Variants in FRZB observed in about 807,000 individuals in gnomAD.
The protein encoded by FRZB is secreted frizzled-related protein 3.
A neutral mutation model predicts 32.5 loss-of-function variants in FRZB; 34 were observed. The ratio of observed to expected loss-of-function variants is 1.05; its 90% confidence interval spans 0.80 to 1.39. The LOEUF (loss-of-function observed/expected upper bound fraction) is 1.39. Ranked by LOEUF, FRZB falls within the 40% of genes most tolerant of loss-of-function variation. The probability of loss-of-function intolerance (pLI) is 0.00; values close to 1 mark genes in which losing one functional copy is unlikely to be tolerated. For missense variants in FRZB, 423 were observed against 424.8 expected, an observed-to-expected ratio of 1.00 and a Z score of 0.04; for synonymous variants, 170 against 159.2, an observed-to-expected ratio of 1.07 and a Z score of -0.51.
chr2:182,857,600 G>C (rs1257068886), intron 2 of FRZB, among the ~76,000 whole-genome samples: 2 of 146,190 alleles, frequency 1.4e-5, no homozygotes, highest in African/African-American at 2.5e-5. Flanking sequence ...CTGGGCAACA[G>C]AGCAAGACTC....
intron 2 of FRZB, among the ~76,000 whole-genome samples, chr2:182,852,214 G>C (rs1343604727): frequency 6.6e-6 from 1 of 152,098 alleles, no homozygotes; most frequent in Non-Finnish European, 1.5e-5. Flanking sequence ...GAGGGAATGG[G>C]TCTATACTAC....
At chr2:182,836,548 C>G (rs534356738) in intron 5 of FRZB, among the ~76,000 whole-genome samples, 296 of 152,120 alleles carry the variant, frequency 1.9e-3, no homozygotes, top group African/African-American at 6.2e-3. Context: ...CAATGGGAAA[C>G]AGGACAAACA....
intron 5 of FRZB, 65 bp downstream of exon 5, chr2:182,837,882 GA>G: frequency 3.2e-6 from 4 of 1,237,926 alleles, no homozygotes; most frequent in South Asian, 2.5e-5. Flanking sequence ...TTCAATGACA[GA>G]TGGCTGGTTT....
At chr2:182,845,934 A>G (rs1003117853) in intron 2 of FRZB, among the ~76,000 whole-genome samples, 1 of 152,194 alleles carries the variant, frequency 6.6e-6, no homozygotes, top group Non-Finnish European at 1.5e-5. Flanking sequence ...TGCAAAGTTA[A>G]CATGCCCAGT....
At position 182,866,211 on chromosome 2, in the gene FRZB, C is replaced by G. The variant is rs374036121; in HGVS notation, c.342G>C (p.Arg114=). Residue 114 remains arginine, a synonymous_variant, in exon 1 of 6, where the codon CGG becomes CGC. Transcript: ENST00000295113. The surrounding 1 kb of genome is among the most constrained non-coding windows in gnomAD (Gnocchi z 4.5). ...PIKPCKSVCE[R]ARQGCEPILI... The stretch of plus-strand genomic sequence containing the variant: ...GTATGGGCTCACAGCCCTGCCGGGC[C>G]CGCTCGCACACAGACTTACAGGGCT... The G allele has an allele frequency of 1.1e-5, 18 of 1,614,058 alleles. No homozygotes were observed. In the African/African-American group the frequency reaches 1.7e-4, roughly 16 times the overall value.
chr2:182,846,638 C>G (rs1695643746), intron 2 of FRZB, among the ~76,000 whole-genome samples: 1 of 152,162 alleles, frequency 6.6e-6, no homozygotes, highest in Non-Finnish European at 1.5e-5. Flanking sequence ...CATTTGACCC[C>G]TGAATCCCAA....
Position 182,866,054 on chromosome 2 carries a change from G to T in FRZB, c.478+21C>A, listed in dbSNP as rs1695886475. The stretch of plus-strand genomic sequence containing the variant: ...GAGGAGGCTGTAGGGTAAGGGAAGG[G>T]TGGGCCGTGTCAAAACTCACCAGCT... On this transcript the variant is annotated intron_variant, in intron 1 of 5. Transcript: ENST00000295113. This position sits in a 1 kb window ranked among gnomAD's most constrained non-coding sequence, Gnocchi z 4.5. 2 of 1,574,238 alleles carry T rather than the reference G, an allele frequency of 1.3e-6. No homozygotes were observed. The highest frequency in any genetic ancestry group is 1.7e-6 in the Non-Finnish European group (2 of 1,150,120).
chr2:182,843,701 GA>G (rs200431664), intron 2 of FRZB, among the ~76,000 whole-genome samples: 12 of 151,982 alleles, frequency 7.9e-5, no homozygotes, highest in East Asian at 5.8e-4. Context: ...CATGGTGGGG[GA>G]AAAAAAATTG....
rs769358147 is a variant in FRZB, at chr2:182,858,853, A to C, written c.479-20T>G. 3.1e-6 allele frequency: 5 copies of C among 1,592,474 alleles called. No individual in the cohort carries two copies. The African/African-American group carries it at 6.7e-5, about 21-fold the overall frequency. ...GAAAATCTGAAAGGAGGTGACAGAA[A>C]AAAGAACTATAACATATCTATTTCA... On this transcript the variant is annotated intron_variant, in intron 1 of 5. Coordinates refer to ENST00000295113, the MANE Select transcript of FRZB (RefSeq NM_001463.4).
In FRZB at chr2:182,838,012, C is replaced by T; in HGVS notation, c.798-1G>A. The T allele has an allele frequency of 6.2e-7, 1 of 1,609,560 alleles. No individual in the cohort carries two copies. Among genetic ancestry groups the T allele is most frequent in the South Asian group, 1.1e-5 (1 of 90,692 alleles). On this transcript the variant is annotated splice_acceptor_variant, in intron 4 of 5. Transcript: ENST00000295113. LOFTEE classifies it high-confidence loss of function. Reference sequence around the variant, plus strand: ...TATAGAGCCTTCCACCAAGAGTAATCTGTATTTTTGAAAGAAGCAAACATT... The same window carrying T: ...TATAGAGCCTTCCACCAAGAGTAATTTGTATTTTTGAAAGAAGCAAACATT...
intron 1 of FRZB, among the ~76,000 whole-genome samples, chr2:182,864,046 A>G (rs1242307358): frequency 6.6e-6 from 1 of 152,126 alleles, no homozygotes; most frequent in African/African-American, 2.4e-5. Flanking sequence ...TAAAGCAAAT[A>G]CTCTGGCATT....
intron 3 of FRZB, among the ~76,000 whole-genome samples, chr2:182,841,059 C>T (rs1382342344): frequency 6.6e-6 from 1 of 152,044 alleles, no homozygotes; most frequent in Non-Finnish European, 1.5e-5. Context: ...TCCCTTTTCC[C>T]TAGGCTTCTT....
At chr2:182,843,652 C>T (rs922717538) in intron 2 of FRZB, among the ~76,000 whole-genome samples, 8 of 152,120 alleles carry the variant, frequency 5.3e-5, no homozygotes, top group African/African-American at 1.9e-4. Context: ...GGCACAAGCG[C>T]TCACGCCTGT....
intron 2 of FRZB, among the ~76,000 whole-genome samples, chr2:182,851,603 C>G (rs1318623137): frequency 1.3e-5 from 2 of 151,964 alleles, no homozygotes; most frequent in Non-Finnish European, 2.9e-5. Flanking sequence ...TTGCAGTGAG[C>G]TGAGATCGTG....
intron 1 of FRZB, among the ~76,000 whole-genome samples, chr2:182,865,623 C>T (rs1695881643): frequency 6.6e-6 from 1 of 152,172 alleles, no homozygotes; most frequent in East Asian, 1.9e-4. Flanking sequence ...ACAATCTTAA[C>T]AAGCATCTAA....
Position 182,866,206 on chromosome 2 carries a change from C to A in FRZB, c.347G>T (p.Arg116Leu). The stretch of plus-strand genomic sequence containing the variant: ...GATGAGTATGGGCTCACAGCCCTGC[C>A]GGGCCCGCTCGCACACAGACTTACA... ...KPCKSVCERA[R>L]QGCEPILIKY... Residue 116 changes from arginine (R) to leucine (L), a missense_variant, in exon 1 of 6, where the codon CGG becomes CTG. By Grantham distance (102) the Arg-to-Leu change is moderately radical. Coordinates refer to ENST00000295113, the MANE Select transcript of FRZB (RefSeq NM_001463.4). The surrounding 1 kb of genome is among the most constrained non-coding windows in gnomAD (Gnocchi z 4.5). 1 of 1,614,160 alleles carries A rather than the reference C, an allele frequency of 6.2e-7. No individual in the cohort carries two copies. The highest frequency in any genetic ancestry group is 1.3e-5 in the African/African-American group (1 of 75,042).
At chr2:182,838,357 T>G in intron 4 of FRZB, 52 bp downstream of exon 4, 3 of 1,436,036 alleles carry the variant, frequency 2.1e-6, no homozygotes, top group Non-Finnish European at 2.9e-6. Flanking sequence ...ACAAATTTAA[T>G]GAGAGTAGGA....
intron 3 of FRZB, among the ~76,000 whole-genome samples, chr2:182,839,918 G>A (rs1442807313): frequency 1.3e-5 from 2 of 151,978 alleles, no homozygotes; most frequent in Non-Finnish European, 2.9e-5. Context: ...GACTATAAAG[G>A]ATTAGAAGAA....
intron 2 of FRZB, among the ~76,000 whole-genome samples, chr2:182,852,225 C>G (rs1695717721): frequency 6.6e-6 from 1 of 152,064 alleles, no homozygotes; most frequent in South Asian, 2.1e-4. Flanking sequence ...TCTATACTAC[C>G]CAAGCTAAGC....
Sources: gnomAD v4.1 joint callset for allele counts (sites outside exome capture counted in the v4.1 genomes callset) on GRCh38, gnomAD v4.1.1 for gene constraint, Gnocchi (gnomAD v3.1) non-coding constraint, MANE v1.5 for transcripts, NCBI Gene and HGNC (gene_info 2026-07-23, HGNC 2026-07-21) for gene names.